The following SLC27A6 variants were observed in gnomAD, a reference collection of about 807,000 sequenced individuals.
The protein encoded by SLC27A6 is long-chain fatty acid transport protein 6.
A neutral mutation model predicts 63.9 loss-of-function variants in SLC27A6; 74 were observed. The observed-to-expected ratio is 1.16, with a 90% CI of 0.96 to 1.40. SLC27A6 has a LOEUF of 1.40. Among genes scored for constraint, SLC27A6 ranks in the 40% most tolerant of loss-of-function variants. The pLI is 0.00. For synonymous variants in SLC27A6, 287 were observed against 260.8 expected (o/e 1.10, Z -0.97); for missense variants, 794 against 732.9 (o/e 1.08, Z -0.96).
At chr5:129,025,963 C>A (rs911221495) in intron 6 of SLC27A6, among the ~76,000 whole-genome samples, 1 of 151,992 alleles carries the variant, frequency 6.6e-6, no homozygotes, top group East Asian at 1.9e-4. Flanking sequence ...GGTGAGACCT[C>A]GTGTCTACAA....
intron 4 of SLC27A6, among the ~76,000 whole-genome samples, chr5:128,995,984 A>G (rs1414358123): frequency 6.6e-6 from 1 of 152,034 alleles, no homozygotes; most frequent in African/African-American, 2.4e-5. Context: ...ATTATGAACT[A>G]TTTGCTGAGA....
chr5:129,002,099 A>G (rs1472274444), intron 4 of SLC27A6, among the ~76,000 whole-genome samples: 1 of 152,208 alleles, frequency 6.6e-6, no homozygotes, highest in African/African-American at 2.4e-5. Flanking sequence ...GGAAATATCT[A>G]TTGAAATCCA....
chr5:128,975,632 C>G (rs1258551733), intron 1 of SLC27A6, among the ~76,000 whole-genome samples: 1 of 152,150 alleles, frequency 6.6e-6, no homozygotes, highest in Non-Finnish European at 1.5e-5. Context: ...GTTGTATATG[C>G]AGTCCCTCAT....
intron 4 of SLC27A6, among the ~76,000 whole-genome samples, chr5:128,997,135 A>G (rs1751187633): frequency 6.6e-6 from 1 of 152,174 alleles, no homozygotes; most frequent in Non-Finnish European, 1.5e-5. Flanking sequence ...TTCCCACCAC[A>G]TTTTAGTAAC....
At chr5:129,009,587 T>C (rs1472076497) in intron 4 of SLC27A6, among the ~76,000 whole-genome samples, 9 of 152,196 alleles carry the variant, frequency 5.9e-5, no homozygotes, top group Admixed American at 5.2e-4. Context: ...TAAATAATAA[T>C]TGTCCCATTT....
chr5:128,984,621 G>A (rs112566413), intron 1 of SLC27A6, among the ~76,000 whole-genome samples: 90 of 152,170 alleles, frequency 5.9e-4, no homozygotes, highest in African/African-American at 1.8e-3. Flanking sequence ...CCCCATTTTG[G>A]AGTCCCCACT....
chr5:129,007,848 G>A (rs1350363543), intron 4 of SLC27A6, among the ~76,000 whole-genome samples: 1 of 152,030 alleles, frequency 6.6e-6, no homozygotes, highest in Non-Finnish European at 1.5e-5. Flanking sequence ...TAAGAACAAT[G>A]TAGCAGTTCA....
In SLC27A6 at chr5:129,004,802, A is replaced by G. The variant is rs151175927; in HGVS notation, c.970-11083A>G. The stretch of plus-strand genomic sequence containing the variant: ...AAAACTGTCCAGTATAAAACCAAAT[A>G]TAATTAACAACCATCAGGCCCTCAT... On this transcript the variant is annotated intron_variant, in intron 4 of 9. Transcript: ENST00000262462. Among the ~76,000 whole-genome samples, 57 of 152,360 alleles carry G rather than the reference A, an allele frequency of 3.7e-4. 1 individual carries two copies. The highest frequency in any genetic ancestry group is 1.3e-3 in the African/African-American group (54 of 41,586).
At chr5:129,011,322 A>G (rs1353644999) in intron 4 of SLC27A6, among the ~76,000 whole-genome samples, 2 of 152,190 alleles carry the variant, frequency 1.3e-5, no homozygotes, top group Admixed American at 1.3e-4. Flanking sequence ...TTATAGTGCT[A>G]TGCTAAAGAA....
At chr5:129,004,559 G>T (rs1001720641) in intron 4 of SLC27A6, among the ~76,000 whole-genome samples, 2 of 152,146 alleles carry the variant, frequency 1.3e-5, no homozygotes, top group Admixed American at 6.5e-5. Flanking sequence ...TTATGTTTAT[G>T]CATGTCCTCT....
intron 5 of SLC27A6, among the ~76,000 whole-genome samples, chr5:129,017,531 TAATA>T (rs1405433899): frequency 6.6e-6 from 1 of 151,756 alleles, no homozygotes; most frequent in Non-Finnish European, 1.5e-5. Context: ...AGGAAGGAAA[TAATA>T]AAGAGCAGAA....
chr5:128,983,810 C>T (rs1243460520), intron 1 of SLC27A6, among the ~76,000 whole-genome samples: 3 of 152,132 alleles, frequency 2.0e-5, no homozygotes, highest in Non-Finnish European at 2.9e-5. Flanking sequence ...TATTTTCTCA[C>T]AGTTCTGGGG....
intron 5 of SLC27A6, among the ~76,000 whole-genome samples, chr5:129,021,073 T>C (rs1178578278): frequency 6.6e-6 from 1 of 150,990 alleles, no homozygotes; most frequent in African/African-American, 2.4e-5. Flanking sequence ...CTTACTTCCA[T>C]CTCCTGCCCC....
At chr5:129,011,855 A>C (rs1751738831) in intron 4 of SLC27A6, among the ~76,000 whole-genome samples, 1 of 152,192 alleles carries the variant, frequency 6.6e-6, no homozygotes, top group South Asian at 2.1e-4. Flanking sequence ...CTCCCGGAAG[A>C]GGAGGGAGAC....
chr5:128,993,092 T>A lies in SLC27A6; in HGVS notation c.969+2628T>A, dbSNP rs372503191. Among the ~76,000 whole-genome samples the A allele has an allele frequency of 1.7e-4, 26 of 152,358 alleles. 1 individual carries two copies. The South Asian group carries it at 5.4e-3, about 32-fold the overall frequency. On this transcript the variant is annotated intron_variant, in intron 4 of 9. Transcript: ENST00000262462. ...CAAAGTATGTGGATACTTTTGCGAT[T>A]TATAGAAAATATTTCTAAATTGCTG...
In SLC27A6 at chr5:128,982,982, T is replaced by C. The variant is rs150927775; in HGVS notation, c.482-2151T>C. 3.4e-3 allele frequency among the ~76,000 whole-genome samples: 524 copies of C among 152,288 alleles called. 6 individuals carry two copies. The highest frequency in any genetic ancestry group is 0.012 in the African/African-American group (507 of 41,558). On this transcript the variant is annotated intron_variant, in intron 1 of 9. Transcript: ENST00000262462. ...AACTGCTTAGTCCCACTTGACATAT[T>C]TATCTTGCTGCTGCTTTGTGATCAA...
Position 129,028,392 on chromosome 5 carries a change from G to C in SLC27A6, c.1502G>C (p.Gly501Ala). 6.2e-7 allele frequency: 1 copy of C among 1,610,968 alleles called. No individual in the cohort carries two copies. The highest frequency in any genetic ancestry group is 8.5e-7 in the Non-Finnish European group (1 of 1,177,788). Reference sequence around the variant, plus strand: ...ACCACTGAGGTTGCTGATGTTATTGGAATGTTGGATTTCATACAGGAAGCA... The same window carrying C: ...ACCACTGAGGTTGCTGATGTTATTGCAATGTTGGATTTCATACAGGAAGCA... ...VATTEVADVI[G>A]MLDFIQEANV... The change falls in exon 8 of 10, where the codon GGA becomes GCA. Residue 501 changes from glycine (G) to alanine (A), a missense_variant. Gly to Ala is a moderately conservative substitution (Grantham distance 60, BLOSUM62 0). Coordinates refer to ENST00000262462, the MANE Select transcript of SLC27A6 (RefSeq NM_001017372.3).
chr5:128,999,128 C>G lies in SLC27A6; in HGVS notation c.969+8664C>G, dbSNP rs572426711. On this transcript the variant is annotated intron_variant, in intron 4 of 9. Transcript: ENST00000262462. Reference sequence around the variant, plus strand: ...ATAATGAATGTAATAACAATTATATCCAGAGGTGATAGGATGATTAATGAG... The same window carrying G: ...ATAATGAATGTAATAACAATTATATGCAGAGGTGATAGGATGATTAATGAG... Among the ~76,000 whole-genome samples the G allele has an allele frequency of 2.0e-5, 3 of 152,072 alleles. No homozygotes were observed. The South Asian group carries it at 6.2e-4, about 32-fold the overall frequency.
intron 1 of SLC27A6, among the ~76,000 whole-genome samples, chr5:128,978,487 C>T (rs1750467708): frequency 6.6e-6 from 1 of 152,128 alleles, no homozygotes; most frequent in Non-Finnish European, 1.5e-5. Context: ...GTGACAATAA[C>T]AAGAGTAACA....
Sources: allele counts gnomAD v4.1 joint callset (sites outside exome capture counted in the v4.1 genomes callset), GRCh38; gene constraint gnomAD v4.1.1; transcripts MANE v1.5; gene names NCBI Gene and HGNC (gene_info 2026-07-23, HGNC 2026-07-21).